ANKRD13B: variants seen among roughly 807,000 people sequenced by gnomAD.
ANKRD13B encodes ankyrin repeat domain-containing protein 13B.
A neutral mutation model predicts 74.4 loss-of-function variants in ANKRD13B; 33 were observed. That is an observed-to-expected ratio of 0.44 (90% CI 0.34 to 0.59). The LOEUF (loss-of-function observed/expected upper bound fraction) is 0.59. Ranked by LOEUF, ANKRD13B falls within the 20% of genes least tolerant of loss-of-function variation. The probability of loss-of-function intolerance (pLI) is 0.02; values close to 1 mark genes in which losing one functional copy is unlikely to be tolerated. For missense variants in ANKRD13B, 676 were observed against 877.9 expected (o/e 0.77, Z 2.91); for synonymous variants, 341 against 362.9 (o/e 0.94, Z 0.68).
intron 1 of ANKRD13B, among the ~76,000 whole-genome samples, chr17:29,605,428 A>C (rs2034335035): frequency 6.6e-6 from 1 of 151,938 alleles, no homozygotes; most frequent in Non-Finnish European, 1.5e-5. Context: ...ACACACACAC[A>C]CACACATACA....
chr17:29,608,526 T>C lies in ANKRD13B; in HGVS notation c.421+286T>C, dbSNP rs1054138621. On this transcript the variant is annotated intron_variant, in intron 4 of 14. Transcript: ENST00000394859. This position sits in a 1 kb window ranked among gnomAD's most constrained non-coding sequence, Gnocchi z 6.4. ...GCAGGAGTCCTGTCTTTTTCACTGT[T>C]GTATTCCCAGTGGCTGGAACACTCA... The C allele has an allele frequency of 5.2e-6, 3 of 581,600 alleles. No individual in the cohort carries two copies. In the African/African-American group the frequency reaches 5.6e-5, roughly 11 times the overall value. The allele number at this position is 581,600 out of a possible 1,614,324, so 36.0% of individuals were successfully genotyped here. A position where few individuals can be genotyped will look rare whatever the true frequency, so the allele number is the denominator to read the frequency against.
chr17:29,611,660 G>A lies in ANKRD13B; in HGVS notation c.969+17G>A. 3 of 1,613,144 alleles carry A rather than the reference G, an allele frequency of 1.9e-6. No individual in the cohort carries two copies. The highest frequency in any genetic ancestry group is 2.5e-6 in the Non-Finnish European group (3 of 1,179,108). Reference sequence around the variant, plus strand: ...CAAAATGGGGTGAGTGTGTGCAGGGGTACCCGTAAGTGGAGGGATGTGGAT... The same window carrying A: ...CAAAATGGGGTGAGTGTGTGCAGGGATACCCGTAAGTGGAGGGATGTGGAT... On this transcript the variant is annotated intron_variant, in intron 9 of 14. Transcript: ENST00000394859. The surrounding 1 kb of genome is among the most constrained non-coding windows in gnomAD (Gnocchi z 4.3).
intron 1 of ANKRD13B, among the ~76,000 whole-genome samples, chr17:29,604,036 C>T (rs2034277649): frequency 6.6e-6 from 1 of 151,636 alleles, no homozygotes; most frequent in African/African-American, 2.4e-5. Context: ...TGAGCCACCG[C>T]ACCCTGCCTA....
intron 1 of ANKRD13B, among the ~76,000 whole-genome samples, chr17:29,595,021 G>A (rs565589743): frequency 2.6e-5 from 4 of 152,324 alleles, no homozygotes; most frequent in South Asian, 2.1e-4. Flanking sequence ...CCTCTGGGCC[G>A]GTCTGGGTGG....
rs2034721600 is a variant in ANKRD13B, at chr17:29,614,238, T to C, written c.*656T>C. On this transcript the variant is annotated 3_prime_UTR_variant, in exon 15 of 15. Coordinates refer to ENST00000394859, the MANE Select transcript of ANKRD13B (RefSeq NM_152345.5). ...GGAGTCCCATCCCCCAAGGCACATT[T>C]TTTTTTTTTTTTTTTTGTGATCAGG... 6.7e-6 allele frequency: 1 copy of C among 150,084 alleles called. No homozygotes were observed. Among genetic ancestry groups the C allele is most frequent in the South Asian group, 2.1e-4 (1 of 4,788 alleles). 9.3% of individuals were successfully genotyped at this position (150,084 alleles called of 1,614,324 possible). A position where few individuals can be genotyped will look rare whatever the true frequency, so the allele number is the denominator to read the frequency against.
chr17:29,612,880 C>G lies in ANKRD13B; in HGVS notation c.1576-7C>G. 6.3e-7 allele frequency: 1 copy of G among 1,599,294 alleles called. No individual in the cohort carries two copies. Among genetic ancestry groups the G allele is most frequent in the Non-Finnish European group, 8.5e-7 (1 of 1,179,506 alleles). On this transcript the variant is annotated splice_region_variant and splice_polypyrimidine_tract_variant and intron_variant, in intron 13 of 14. Coordinates refer to ENST00000394859, the MANE Select transcript of ANKRD13B (RefSeq NM_152345.5). The surrounding 1 kb of genome is among the most constrained non-coding windows in gnomAD (Gnocchi z 6.1). ...CCGCCACGGCTAACGCCCACGCCTC[C>G]CCGCAGGTCACCATCTGGGAGGCGC...
At position 29,611,601 on chromosome 17, in the gene ANKRD13B, C is replaced by T; in HGVS notation, c.927C>T (p.Ser309=). The change falls in exon 9 of 15, where the codon TCC becomes TCT. Residue 309 remains serine, a synonymous_variant. Coordinates refer to ENST00000394859, the MANE Select transcript of ANKRD13B (RefSeq NM_152345.5). The surrounding 1 kb of genome is among the most constrained non-coding windows in gnomAD (Gnocchi z 4.3). ...KVKGCKTPLQ[S]FLGIAEQHGG... ...TAGGCTGTAAGACACCTTTGCAGTC[C>T]TTCCTGGGAATCGCTGAGCAGCACG... 6.2e-7 allele frequency: 1 copy of T among 1,614,194 alleles called. No individual in the cohort carries two copies. The highest frequency in any genetic ancestry group is 8.5e-7 in the Non-Finnish European group (1 of 1,180,026).
At chr17:29,607,562 TCATAGTGTCTGTCTTTCCGTTGCC>T (rs1567791335) in intron 1 of ANKRD13B, among the ~76,000 whole-genome samples, 156 bp from the exon 2 acceptor site, 5 of 152,210 alleles carry the variant, frequency 3.3e-5, no homozygotes, top group East Asian at 1.9e-4. Context: ...TTTCCGTTGC[TCATAGTGTCTGTCTTTCCGTTGCC>T]CATAGTGTCT....
chr17:29,607,601 T>G (rs1452645190), intron 1 of ANKRD13B, 141 bp from the exon 2 acceptor site: 12 of 1,194,234 alleles, frequency 1.0e-5, no homozygotes, highest in Non-Finnish European at 1.3e-5. Flanking sequence ...GTGTCTGTCT[T>G]TCCGTTGCCT....
At chr17:29,598,040 C>T (rs1353150382) in intron 1 of ANKRD13B, among the ~76,000 whole-genome samples, 1 of 152,200 alleles carries the variant, frequency 6.6e-6, no homozygotes, top group Admixed American at 6.5e-5. Context: ...TTGCTCAGCA[C>T]TTCCCCAGTC....
chr17:29,607,379 C>T (rs1262570826), intron 1 of ANKRD13B, among the ~76,000 whole-genome samples: 1 of 152,216 alleles, frequency 6.6e-6, no homozygotes, highest in Non-Finnish European at 1.5e-5. Context: ...GGCCAACAGC[C>T]TCTTTGCCAC....
chr17:29,601,170 C>T (rs567786820), intron 1 of ANKRD13B, among the ~76,000 whole-genome samples: 8 of 151,826 alleles, frequency 5.3e-5, no homozygotes, highest in Non-Finnish European at 1.0e-4. Flanking sequence ...GTGATCTGCC[C>T]ACCTCGGCCT....
chr17:29,611,938 C>G lies in ANKRD13B; in HGVS notation c.1032C>G (p.Phe344Leu), dbSNP rs1159102941. 6.2e-7 allele frequency: 1 copy of G among 1,614,038 alleles called. No individual in the cohort carries two copies. Among genetic ancestry groups the G allele is most frequent in the African/African-American group, 1.3e-5 (1 of 74,934 alleles). ...NPTAITAEEY[F>L]NPNFELGNRD... ...CTGCCATCACTGCAGAAGAATACTT[C>G]AACCCCAACTTTGAGCTGGGCAACC... Residue 344 changes from phenylalanine to leucine, a missense_variant, in exon 10 of 15, where the codon TTC (phenylalanine) becomes TTG (leucine). Phe to Leu is a conservative substitution (Grantham distance 22). Coordinates refer to ENST00000394859, the MANE Select transcript of ANKRD13B (RefSeq NM_152345.5). This position sits in a 1 kb window ranked among gnomAD's most constrained non-coding sequence, Gnocchi z 4.3.
At position 29,606,728 on chromosome 17, in the gene ANKRD13B, TA is replaced by T. The variant is rs370548766; in HGVS notation, c.115-982del. Among the ~76,000 whole-genome samples the T allele has an allele frequency of 7.1e-3, 449 of 62,960 alleles. 3 individuals carry two copies. The highest frequency in any genetic ancestry group is 7.7e-3 in the Non-Finnish European group (267 of 34,798). The allele number at this position is 62,960 out of a possible 152,430, so 41.3% of individuals were successfully genotyped here. A position where few individuals can be genotyped will look rare whatever the true frequency, so the allele number is the denominator to read the frequency against. On this transcript the variant is annotated intron_variant, in intron 1 of 14. Transcript: ENST00000394859. ...TGACATAGTGAGACCCTGTCTCAAGTAAAAAAAAAAAAAAAAAAAAAAAAAA... is the reference window on the plus strand; with the variant it reads ...TGACATAGTGAGACCCTGTCTCAAGTAAAAAAAAAAAAAAAAAAAAAAAAA...
chr17:29,612,782 G>T lies in ANKRD13B; in HGVS notation c.1542G>T (p.Gln514His), dbSNP rs1567796340. The change falls in exon 13 of 15, where the codon CAG becomes CAT. Residue 514 changes from glutamine to histidine, a missense_variant. By Grantham distance (24) the Gln-to-His change is conservative. Coordinates refer to ENST00000394859, the MANE Select transcript of ANKRD13B (RefSeq NM_152345.5). The surrounding 1 kb of genome is among the most constrained non-coding windows in gnomAD (Gnocchi z 6.1). ...ACCTGCTGCAATTCGCCATCCAGCAGAGCCTGCTTGAGGCGGGCAGTGAGT... is the reference window on the plus strand; with the variant it reads ...ACCTGCTGCAATTCGCCATCCAGCATAGCCTGCTTGAGGCGGGCAGTGAGT... ...DDDLLQFAIQQSLLEAGSEYD... is the reference protein window; with the variant it reads ...DDDLLQFAIQHSLLEAGSEYD... The T allele has an allele frequency of 6.2e-7, 1 of 1,603,512 alleles. No homozygotes were observed. The highest frequency in any genetic ancestry group is 8.5e-7 in the Non-Finnish European group (1 of 1,178,750).
chr17:29,593,497 C>A lies in ANKRD13B; in HGVS notation c.-125C>A. ...CCGCCCCCGCCCGCCGCCGCTCGCA[C>A]ATGCCCGAGCCGCAGCCCCGCGAGC... On this transcript the variant is annotated 5_prime_UTR_variant, in exon 1 of 15. Transcript: ENST00000394859. 4.0e-6 allele frequency: 1 copy of A among 251,774 alleles called. No individual in the cohort carries two copies. The highest frequency in any genetic ancestry group is 6.2e-6 in the Non-Finnish European group (1 of 162,426). 15.6% of individuals were successfully genotyped at this position (251,774 alleles called of 1,614,324 possible). A position where few individuals can be genotyped will look rare whatever the true frequency, so the allele number is the denominator to read the frequency against.
chr17:29,613,401 TGCCCAGCCCTCG>T lies in ANKRD13B; in HGVS notation c.1708_1719del (p.Pro570_Ser573del). ...CGCCAGCCTGCGCCCCCGGCGTCAG[TGCCCAGCCCTCG>T]GCCCAGCTCAGGGCCAGGTTCCGGC... On this transcript the variant is annotated inframe_deletion, in exon 15 of 15. Coordinates refer to ENST00000394859, the MANE Select transcript of ANKRD13B (RefSeq NM_152345.5). The T allele has an allele frequency of 6.7e-7, 1 of 1,498,662 alleles. No individual in the cohort carries two copies. The highest frequency in any genetic ancestry group is 8.9e-7 in the Non-Finnish European group (1 of 1,128,858). 92.8% of individuals were successfully genotyped at this position (1,498,662 alleles called of 1,614,324 possible). A position where few individuals can be genotyped will look rare whatever the true frequency, so the allele number is the denominator to read the frequency against.
chr17:29,612,974 G>A lies in ANKRD13B; in HGVS notation c.1652+11G>A, dbSNP rs756549314. On this transcript the variant is annotated intron_variant, in intron 14 of 14. Coordinates refer to ENST00000394859, the MANE Select transcript of ANKRD13B (RefSeq NM_152345.5). The surrounding 1 kb of genome is among the most constrained non-coding windows in gnomAD (Gnocchi z 6.1). ...TCGCCGACAGGACAGGTCAGTGCCCGCTGGGCCGGAGAGAATCCTCCGGAG... is the reference window on the plus strand; with the variant it reads ...TCGCCGACAGGACAGGTCAGTGCCCACTGGGCCGGAGAGAATCCTCCGGAG... 3.8e-6 allele frequency: 6 copies of A among 1,594,656 alleles called. No homozygotes were observed. Among genetic ancestry groups the A allele is most frequent in the Non-Finnish European group, 5.1e-6 (6 of 1,178,112 alleles).
intron 1 of ANKRD13B, among the ~76,000 whole-genome samples, chr17:29,597,882 TCTGGAGC>T (rs1337832422): frequency 6.6e-6 from 1 of 152,160 alleles, no homozygotes; most frequent in African/African-American, 2.4e-5. Context: ...CCAGCCGCTC[TCTGGAGC>T]CTGGAGCTGA....
Sources: gnomAD v4.1 joint callset for allele counts (sites outside exome capture counted in the v4.1 genomes callset) on GRCh38, gnomAD v4.1.1 for gene constraint, Gnocchi (gnomAD v3.1) non-coding constraint, MANE v1.5 for transcripts, NCBI Gene and HGNC (gene_info 2026-07-23, HGNC 2026-07-21) for gene names.